Variants in KIRREL2 observed in about 807,000 individuals in gnomAD.
KIRREL2 encodes kirre like nephrin family adhesion molecule 2, also known as kin of IRRE-like protein 2.
In KIRREL2, 56 loss-of-function variants were observed where a neutral mutation model predicts 73.4. The ratio of observed to expected loss-of-function variants is 0.76; its 90% CI spans 0.62 to 0.95. KIRREL2 has a LOEUF of 0.95. Ranked by LOEUF, KIRREL2 falls within the 40% of genes least tolerant of loss-of-function variation. KIRREL2 has a pLI of 0.00. For missense variants in KIRREL2, 896 were observed against 935.0 expected (o/e 0.96, Z 0.54); for synonymous variants, 407 against 404.0 (o/e 1.01, Z -0.09).
chr19:35,863,983 G>A (rs532959343), intron 13 of KIRREL2, among the ~76,000 whole-genome samples: 1 of 151,748 alleles, frequency 6.6e-6, no homozygotes, highest in South Asian at 2.1e-4. Context: ...TACCGTGTTA[G>A]CCAGGATGGT....
At chr19:35,862,860 C>T (rs1973766304) in intron 12 of KIRREL2, 67 bp from the exon 13 acceptor site, 1 of 952,822 alleles carries the variant, frequency 1.0e-6, no homozygotes, top group Non-Finnish European at 1.6e-6. Context: ...CTCTCTCTTC[C>T]CGCTTATTGG....
In KIRREL2 at chr19:35,862,949, A is replaced by G; in HGVS notation, c.1638A>G (p.Gln546=). 1 of 1,580,666 alleles carries G rather than the reference A, an allele frequency of 6.3e-7. No homozygotes were observed. The change falls in exon 13 of 15, where the codon CAA becomes CAG. Residue 546 remains glutamine, a synonymous_variant. Transcript: ENST00000360202. ...CAGCCTCAGCCTCTTTCTCCGAGCA[A>G]AAGAACCTGATGCGAATCCCTGGCA... ...HSKASASFSE[Q]KNLMRIPGSS...
At chr19:35,853,947 C>A (rs1247355310), upstream of KIRREL2, among the ~76,000 whole-genome samples, 4 of 139,596 alleles carry the variant, frequency 2.9e-5, no homozygotes, top group African/African-American at 1.1e-4. Flanking sequence ...CAGGTCCAAG[C>A]GATTCTCCTG....
Position 35,866,710 on chromosome 19 carries a change from A to T in KIRREL2, c.*218A>T. 1.6e-6 allele frequency: 1 copy of T among 617,864 alleles called. No homozygotes were observed. The highest frequency in any genetic ancestry group is 2.1e-5 in the South Asian group (1 of 47,930). The allele number at this position is 617,864 out of a possible 1,614,324, so 38.3% of individuals were successfully genotyped here. A position where few individuals can be genotyped will look rare whatever the true frequency, so the allele number is the denominator to read the frequency against. On this transcript the variant is annotated 3_prime_UTR_variant, in exon 15 of 15. Transcript: ENST00000360202. ...ACATGGCCACCCAATATGCCCACCTATTCCCCGGTGTAAAAGAGATTCAAG... is the reference window on the plus strand; with the variant it reads ...ACATGGCCACCCAATATGCCCACCTTTTCCCCGGTGTAAAAGAGATTCAAG...
Position 35,857,461 on chromosome 19 carries a change from G to T in KIRREL2, c.178G>T (p.Gly60Trp). The stretch of plus-strand genomic sequence containing the variant: ...GGGGCTAGTTCAGTGGACTAAGAGT[G>T]GGCTGGCCCTAGGGGGCCAAAGGGA... The part of the protein sequence containing the change: ...YWGLVQWTKS[G>W]LALGGQRDLP... The change falls in exon 2 of 15, where the codon GGG becomes TGG. Residue 60 changes from glycine to tryptophan, a missense_variant. By Grantham distance (184) the Gly-to-Trp change is radical. Transcript: ENST00000360202. 6.2e-7 allele frequency: 1 copy of T among 1,609,266 alleles called. No homozygotes were observed.
upstream of KIRREL2, among the ~76,000 whole-genome samples, chr19:35,853,791 G>A (rs559864977): frequency 4.7e-5 from 7 of 150,180 alleles, no homozygotes; most frequent in Non-Finnish European, 8.8e-5. Context: ...TTCTGCCTCA[G>A]CCTCCTGAGT....
Position 35,859,513 on chromosome 19 carries a change from G to A in KIRREL2, c.555G>A (p.Val185=), listed in dbSNP as rs1973571775. The A allele has an allele frequency of 6.2e-7, 1 of 1,614,058 alleles. No individual in the cohort carries two copies. Among genetic ancestry groups the A allele is most frequent in the African/African-American group, 1.3e-5 (1 of 74,926 alleles). The change falls in exon 5 of 15, where the codon GTG becomes GTA. Residue 185 remains valine, a synonymous_variant. Coordinates refer to ENST00000360202, the MANE Select transcript of KIRREL2 (RefSeq NM_199180.4). ...TLLKEGTPGS[V]ESTLTLTPFS... ...TGAAGGAAGGGACCCCTGGGTCAGT[G>A]GAGAGCACCTTAACCCTGACCCCTT...
At position 35,863,047 on chromosome 19, in the gene KIRREL2, A is replaced by C; in HGVS notation, c.1725+11A>C. The C allele has an allele frequency of 1.4e-6, 2 of 1,479,686 alleles. No homozygotes were observed. Among genetic ancestry groups the C allele is most frequent in the Non-Finnish European group, 1.9e-6 (2 of 1,075,878 alleles). 91.7% of individuals were successfully genotyped at this position (1,479,686 alleles called of 1,614,324 possible). ...AGCCGCGAGGACCGGGTAGGATGCC[A>C]GGGTCCCCAGACCTGACTGTGCCTC... is the stretch of plus-strand genomic sequence containing the variant. On this transcript the variant is annotated intron_variant, in intron 13 of 14. Coordinates refer to ENST00000360202, the MANE Select transcript of KIRREL2 (RefSeq NM_199180.4).
At chr19:35,864,206 T>TTGTTG (rs1568468599) in intron 13 of KIRREL2, among the ~76,000 whole-genome samples, 78 of 115,216 alleles carry the variant, frequency 6.8e-4, no homozygotes, top group African/African-American at 2.7e-3. Flanking sequence ...TGTTGTTGTT[T>TTGTTG]TTGAGATAGA....
chr19:35,863,048 G>T lies in KIRREL2; in HGVS notation c.1725+12G>T, dbSNP rs1348231827. ...GCCGCGAGGACCGGGTAGGATGCCAGGGTCCCCAGACCTGACTGTGCCTCC... is the reference window on the plus strand; with the variant it reads ...GCCGCGAGGACCGGGTAGGATGCCATGGTCCCCAGACCTGACTGTGCCTCC... On this transcript the variant is annotated intron_variant, in intron 13 of 14. Coordinates refer to ENST00000360202, the MANE Select transcript of KIRREL2 (RefSeq NM_199180.4). 6.7e-7 allele frequency: 1 copy of T among 1,482,894 alleles called. No individual in the cohort carries two copies. The allele number at this position is 1,482,894 out of a possible 1,614,324, so 91.9% of individuals were successfully genotyped here. A position where few individuals can be genotyped will look rare whatever the true frequency, so the allele number is the denominator to read the frequency against.
chr19:35,858,880 C>T lies in KIRREL2; in HGVS notation c.522+16C>T. ...CTTCCATCAGGTCAGGTCCAAATTC[C>T]TGTGCTAGCCTTTGCCCATTGAGGG... On this transcript the variant is annotated intron_variant, in intron 4 of 14. Coordinates refer to ENST00000360202, the MANE Select transcript of KIRREL2 (RefSeq NM_199180.4). 1 of 1,613,282 alleles carries T rather than the reference C, an allele frequency of 6.2e-7. No individual in the cohort carries two copies. The highest frequency in any genetic ancestry group is 8.5e-7 in the Non-Finnish European group (1 of 1,179,300).
Position 35,862,535 on chromosome 19 carries a change from C to CGGAGTGG in KIRREL2, c.1553_1554insGGAGTGG (p.Thr519GlufsTer49), listed in dbSNP as rs763638283. On this transcript the variant is annotated frameshift_variant, in exon 12 of 15. Coordinates refer to ENST00000360202, the MANE Select transcript of KIRREL2 (RefSeq NM_199180.4). LOFTEE classifies it high-confidence loss of function. ...CGGATAGTGGCCGGAGTGGCCGCTG[C>CGGAGTGG]CACCACAACTCTCCTTATGGTCATC... The CGGAGTGG allele has an allele frequency of 1.2e-5, 19 of 1,610,540 alleles. No homozygotes were observed. Among genetic ancestry groups the CGGAGTGG allele is most frequent in the East Asian group, 2.2e-5 (1 of 44,866 alleles).
upstream of KIRREL2, among the ~76,000 whole-genome samples, chr19:35,853,838 T>C (rs1470202067): frequency 1.3e-5 from 1 of 79,222 alleles, no homozygotes; most frequent in Non-Finnish European, 2.2e-5. Context: ...ACTCTGGCTA[T>C]TTTTTTTTTT....
rs1479023670 is a variant in KIRREL2, at chr19:35,859,616, A to T, written c.658A>T (p.Thr220Ser). ...ALPTGRDTAITLSLQYPPEVT... is the reference protein window; with the variant it reads ...ALPTGRDTAISLSLQYPPEVT... The stretch of plus-strand genomic sequence containing the variant: ...GCCCACAGGAAGAGACACAGCTATC[A>T]CACTGAGCCTGCAGTGTGAGTGCAG... Residue 220 changes from threonine to serine, a missense_variant, in exon 5 of 15, where the codon ACA (threonine) becomes TCA (serine). By Grantham distance (58) the Thr-to-Ser change is moderately conservative. Coordinates refer to ENST00000360202, the MANE Select transcript of KIRREL2 (RefSeq NM_199180.4). 6.2e-7 allele frequency: 1 copy of T among 1,613,920 alleles called. No homozygotes were observed. Among genetic ancestry groups the T allele is most frequent in the Non-Finnish European group, 8.5e-7 (1 of 1,180,026 alleles).
At chr19:35,852,932 C>CTACTTGGATATA (rs1326434137), upstream of KIRREL2, among the ~76,000 whole-genome samples, 1 of 152,100 alleles carries the variant, frequency 6.6e-6, no homozygotes, top group Non-Finnish European at 1.5e-5. Context: ...GTAGCTGGTG[C>CTACTTGGATATA]TACAGGTATA....
upstream of KIRREL2, among the ~76,000 whole-genome samples, chr19:35,854,302 CTTTCTTTTT>C (rs1484092018): frequency 6.6e-6 from 1 of 151,850 alleles, no homozygotes; most frequent in South Asian, 2.1e-4. Context: ...CTTGATTTAT[CTTTCTTTTT>C]TTTCTTTTTT....
chr19:35,866,506 G>A lies in KIRREL2; in HGVS notation c.*14G>A, dbSNP rs200403065. Reference sequence around the variant, plus strand: ...ACTCACGTGTGACATCTTTCCAATGGAAGAGTCCTGGGATCTCCAACTTGC... The same window carrying A: ...ACTCACGTGTGACATCTTTCCAATGAAAGAGTCCTGGGATCTCCAACTTGC... On this transcript the variant is annotated 3_prime_UTR_variant, in exon 15 of 15. Coordinates refer to ENST00000360202, the MANE Select transcript of KIRREL2 (RefSeq NM_199180.4). 40 of 1,613,634 alleles carry A rather than the reference G, an allele frequency of 2.5e-5. No individual in the cohort carries two copies. The highest frequency in any genetic ancestry group is 1.6e-4 in the Middle Eastern group (1 of 6,082).
chr19:35,854,765 AC>A (rs76587412), upstream of KIRREL2, among the ~76,000 whole-genome samples: 40,534 of 151,448 alleles, frequency 0.27, 6,721 homozygotes, highest in East Asian at 0.64. Context: ...CTCTGTTCTC[AC>A]CTCTGTCGCT....
Position 35,861,637 on chromosome 19 carries a change from C to T in KIRREL2, c.1286C>T (p.Ala429Val). ...CLVFASPAPDAVVWSWDEGFL... is the reference protein window; with the variant it reads ...CLVFASPAPDVVVWSWDEGFL... ...GTTTTCGCCTCTCCCGCCCCAGATGCCGTGGTAAGGAAATGTCACTCCTCC... is the reference window on the plus strand; with the variant it reads ...GTTTTCGCCTCTCCCGCCCCAGATGTCGTGGTAAGGAAATGTCACTCCTCC... The change falls in exon 10 of 15, where the codon GCC becomes GTC. Residue 429 changes from alanine to valine, a missense_variant. By Grantham distance (64) the Ala-to-Val change is moderately conservative. Coordinates refer to ENST00000360202, the MANE Select transcript of KIRREL2 (RefSeq NM_199180.4). 1.2e-6 allele frequency: 2 copies of T among 1,612,736 alleles called. No homozygotes were observed. Among genetic ancestry groups the T allele is most frequent in the Non-Finnish European group, 1.7e-6 (2 of 1,179,472 alleles).
Sources: gnomAD v4.1 joint callset for allele counts (sites outside exome capture counted in the v4.1 genomes callset) on GRCh38, gnomAD v4.1.1 for gene constraint, MANE v1.5 for transcripts, NCBI Gene and HGNC (gene_info 2026-07-23, HGNC 2026-07-21) for gene names.